The following ADORA2B variants were observed in gnomAD, a reference collection of about 807,000 sequenced individuals.
The protein encoded by ADORA2B is adenosine receptor A2b.
Under a neutral mutation model 20.8 loss-of-function variants are expected in ADORA2B, and 18 were observed. That is an observed-to-expected ratio of 0.87 (90% confidence interval 0.60 to 1.29). The LOEUF (loss-of-function observed/expected upper bound fraction) is 1.29, where lower values mean the gene tolerates loss of function less well. Ranked by LOEUF, ADORA2B falls within the 50% of genes most tolerant of loss-of-function variation. The probability of loss-of-function intolerance (pLI) is 0.00; values close to 1 mark genes in which losing one functional copy is unlikely to be tolerated. For synonymous variants in ADORA2B, 179 were observed against 178.3 expected (o/e 1.00, Z -0.03); for missense variants, 441 against 422.7 (o/e 1.04, Z -0.38).
upstream of ADORA2B, among the ~76,000 whole-genome samples, chr17:15,941,884 C>T (rs1395039510): frequency 6.6e-6 from 1 of 151,974 alleles, no homozygotes; most frequent in Non-Finnish European, 1.5e-5. Context: ...CAGCTCAAAT[C>T]CTAGCGTGGA....
chr17:15,886,137 T>C, the ADORA2B span, among the ~76,000 whole-genome samples: 16 of 152,210 alleles, frequency 1.1e-4, no homozygotes, highest in African/African-American at 3.1e-4. Flanking sequence ...TCACTTAACA[T>C]CACAGTGTCC....
At chr17:15,883,024 A>AC in the ADORA2B span, among the ~76,000 whole-genome samples, 1,539 of 152,146 alleles carry the variant, frequency 0.01, 38 homozygotes, top group African/African-American at 0.035. Context: ...TGCACTGAGC[A>AC]TTTTTTCCAT....
the ADORA2B span, among the ~76,000 whole-genome samples, chr17:15,929,630 G>A: frequency 6.6e-6 from 1 of 152,200 alleles, no homozygotes; most frequent in Admixed American, 6.5e-5. Context: ...TCCATCTACA[G>A]ATAACTGGAT....
At chr17:15,961,537 TC>T in intron 1 of ADORA2B, among the ~76,000 whole-genome samples, 1 of 152,364 alleles carries the variant, frequency 6.6e-6, no homozygotes, top group East Asian at 1.9e-4. Flanking sequence ...GGGTATGTTT[TC>T]CCCATTGATG....
chr17:15,852,115 A>C, the ADORA2B span, among the ~76,000 whole-genome samples: 1 of 152,112 alleles, frequency 6.6e-6, no homozygotes, highest in South Asian at 2.1e-4. Context: ...AGAAATCTTG[A>C]TATATTGTGC....
the ADORA2B span, among the ~76,000 whole-genome samples, chr17:15,894,232 C>G: frequency 9.4e-4 from 143 of 152,332 alleles, 1 homozygote; most frequent in Non-Finnish European, 9.6e-4. Context: ...CTGAACTACA[C>G]AGACAAGCAA....
chr17:15,871,810 G>C, the ADORA2B span, among the ~76,000 whole-genome samples: 1 of 152,130 alleles, frequency 6.6e-6, no homozygotes, highest in African/African-American at 2.4e-5. Context: ...AACGCCCTGC[G>C]CCTTTTCCCT....
chr17:15,933,477 A>G, the ADORA2B span, among the ~76,000 whole-genome samples: 2 of 152,084 alleles, frequency 1.3e-5, no homozygotes, highest in African/African-American at 4.8e-5. Flanking sequence ...ATTTATTTCA[A>G]TTATGTTTTG....
At chr17:15,893,938 G>A in the ADORA2B span, among the ~76,000 whole-genome samples, 2 of 152,310 alleles carry the variant, frequency 1.3e-5, no homozygotes, top group Middle Eastern at 3.4e-3. Flanking sequence ...GGCTAAAGAG[G>A]CCTTCAACAC....
At chr17:15,922,074 A>C in the ADORA2B span, among the ~76,000 whole-genome samples, 1 of 152,356 alleles carries the variant, frequency 6.6e-6, no homozygotes, top group Middle Eastern at 3.4e-3. Context: ...CTTAAAGTTT[A>C]ACTCTGAATA....
At chr17:15,969,368 C>A (rs1320731677) in intron 1 of ADORA2B, among the ~76,000 whole-genome samples, 1 of 152,114 alleles carries the variant, frequency 6.6e-6, no homozygotes, top group Non-Finnish European at 1.5e-5. Context: ...GCAGGAGAAT[C>A]GCTTGAAACC....
upstream of ADORA2B, among the ~76,000 whole-genome samples, chr17:15,943,200 T>C (rs1969759757): frequency 6.6e-6 from 1 of 152,136 alleles, no homozygotes. Context: ...GAAAAAAAAA[T>C]TCCCTGTAAT....
the ADORA2B span, among the ~76,000 whole-genome samples, chr17:15,912,454 C>G: frequency 6.6e-6 from 1 of 152,020 alleles, no homozygotes; most frequent in Non-Finnish European, 1.5e-5. Flanking sequence ...CTTTTTCCTC[C>G]CAGGGAAGCC....
the ADORA2B span, among the ~76,000 whole-genome samples, chr17:15,936,205 C>T: frequency 6.6e-6 from 1 of 151,900 alleles, no homozygotes; most frequent in Admixed American, 6.6e-5. Flanking sequence ...TTTTCAACTC[C>T]AGAATATCTA....
chr17:15,874,066 G>GTATATATATA, the ADORA2B span, among the ~76,000 whole-genome samples: 9 of 139,732 alleles, frequency 6.4e-5, no homozygotes, highest in African/African-American at 2.7e-4. Flanking sequence ...ATATGTGTGT[G>GTATATATATA]TGTATATATA....
At chr17:15,898,001 T>G in the ADORA2B span, among the ~76,000 whole-genome samples, 3 of 152,160 alleles carry the variant, frequency 2.0e-5, no homozygotes, top group African/African-American at 4.8e-5. Flanking sequence ...AGGGGTTGAA[T>G]TCATACTTTA....
At chr17:15,931,368 CAT>C in the ADORA2B span, among the ~76,000 whole-genome samples, 35 of 152,374 alleles carry the variant, frequency 2.3e-4, no homozygotes, top group African/African-American at 3.4e-4. Context: ...AGCACCCACT[CAT>C]GTGTGAAGTG....
chr17:15,951,395 G>T (rs73276015), intron 1 of ADORA2B, among the ~76,000 whole-genome samples: 2,909 of 152,282 alleles, frequency 0.019, 86 homozygotes, highest in African/African-American at 0.066. Flanking sequence ...CACAGGCCAG[G>T]AGCCACCCTG....
At chr17:15,885,054 C>A in the ADORA2B span, among the ~76,000 whole-genome samples, 2 of 152,156 alleles carry the variant, frequency 1.3e-5, no homozygotes, top group South Asian at 4.1e-4. Flanking sequence ...AAAAGCATTC[C>A]TTTTACTCCA....
Sources: gnomAD v4.1 joint callset for allele counts (sites outside exome capture counted in the v4.1 genomes callset) on GRCh38, gnomAD v4.1.1 for gene constraint, MANE v1.5 for transcripts, NCBI Gene and HGNC (gene_info 2026-07-23, HGNC 2026-07-21) for gene names.